GSK3B: variants seen among roughly 807,000 people sequenced by gnomAD.
GSK3B encodes glycogen synthase kinase-3 beta.
Under a neutral mutation model 56.4 loss-of-function variants are expected in GSK3B, and 15 were observed. The ratio of observed to expected loss-of-function variants is 0.27; its 90% CI spans 0.18 to 0.41. The LOEUF (loss-of-function observed/expected upper bound fraction) is 0.41. Among genes scored for constraint, GSK3B ranks in the 10% least tolerant of loss-of-function variants. The pLI is 1.00. For missense variants in GSK3B, 300 were observed against 513.4 expected, an observed-to-expected ratio of 0.58 and a Z score of 4.02; for synonymous variants, 181 against 188.9, an observed-to-expected ratio of 0.96 and a Z score of 0.34.
intron 1 of GSK3B, among the ~76,000 whole-genome samples, chr3:120,039,082 T>G (rs1210384790): frequency 6.6e-6 from 1 of 152,178 alleles, no homozygotes; most frequent in Non-Finnish European, 1.5e-5. Flanking sequence ...AATAAGCATA[T>G]GAAAAGATGC....
At chr3:119,943,009 C>T (rs2057065081) in intron 3 of GSK3B, among the ~76,000 whole-genome samples, 1 of 152,168 alleles carries the variant, frequency 6.6e-6, no homozygotes, top group Non-Finnish European at 1.5e-5. Context: ...AAAACTAAGG[C>T]TAATTAGTAC....
intron 1 of GSK3B, among the ~76,000 whole-genome samples, chr3:120,015,638 A>G: frequency 9.1e-6 from 1 of 109,790 alleles, no homozygotes; most frequent in African/African-American, 3.7e-5. Context: ...AGACAGGGTG[A>G]GACTCTGTCT....
chr3:119,891,007 C>T (rs2056495267), intron 7 of GSK3B, among the ~76,000 whole-genome samples: 1 of 151,904 alleles, frequency 6.6e-6, no homozygotes, highest in South Asian at 2.1e-4. Context: ...GAGCCTATTC[C>T]TCAAGAAGCT....
At chr3:119,999,245 C>G (rs1430894248) in intron 2 of GSK3B, among the ~76,000 whole-genome samples, 3 of 152,054 alleles carry the variant, frequency 2.0e-5, no homozygotes, top group Admixed American at 2.0e-4. Flanking sequence ...GAATCTGATA[C>G]TATGATATAG....
At chr3:119,901,223 G>A (rs964004066) in intron 7 of GSK3B, among the ~76,000 whole-genome samples, 1 of 152,024 alleles carries the variant, frequency 6.6e-6, no homozygotes, top group Non-Finnish European at 1.5e-5. Context: ...TTATATTAAG[G>A]AAGAATTTAA....
intron 1 of GSK3B, among the ~76,000 whole-genome samples, chr3:120,062,601 G>A (rs867756141): frequency 2.0e-5 from 3 of 152,156 alleles, no homozygotes; most frequent in Non-Finnish European, 4.4e-5. Flanking sequence ...TTTGAATGGC[G>A]TGATCCAGTT....
At chr3:119,844,253 T>G (rs2055822543) in intron 9 of GSK3B, among the ~76,000 whole-genome samples, 1 of 150,738 alleles carries the variant, frequency 6.6e-6, no homozygotes, top group Middle Eastern at 3.4e-3. Flanking sequence ...CACCCTAACA[T>G]CACAATTAAA....
intron 10 of GSK3B, among the ~76,000 whole-genome samples, chr3:119,828,319 G>T (rs1383696891): frequency 6.6e-6 from 1 of 152,186 alleles, no homozygotes; most frequent in African/African-American, 2.4e-5. Context: ...TTAGTAGACT[G>T]CTGTTTTAGT....
intron 2 of GSK3B, among the ~76,000 whole-genome samples, chr3:119,955,655 G>A (rs137955030): frequency 1.1e-5 from 1 of 88,314 alleles, no homozygotes; most frequent in African/African-American, 5.1e-5. Context: ...TGTTTTTGTT[G>A]TTGTTGTTGT....
chr3:120,073,606 A>G (rs2058345263), intron 1 of GSK3B, among the ~76,000 whole-genome samples: 1 of 152,200 alleles, frequency 6.6e-6, no homozygotes, highest in Non-Finnish European at 1.5e-5. Flanking sequence ...TAACACTACA[A>G]AAAGTAGAAG....
At chr3:120,051,431 C>T (rs1576297228) in intron 1 of GSK3B, among the ~76,000 whole-genome samples, 1 of 152,094 alleles carries the variant, frequency 6.6e-6, no homozygotes, top group African/African-American at 2.4e-5. Context: ...TTTACTTTAT[C>T]ATGAATAAAG....
intron 3 of GSK3B, among the ~76,000 whole-genome samples, chr3:119,929,816 G>T (rs2056925508): frequency 6.6e-6 from 1 of 151,690 alleles, no homozygotes. Flanking sequence ...GCAGGAGAAT[G>T]GCTTGAACCA....
intron 2 of GSK3B, among the ~76,000 whole-genome samples, chr3:120,000,301 ATAGT>A (rs2057663659): frequency 6.6e-6 from 1 of 152,258 alleles, no homozygotes; most frequent in South Asian, 2.1e-4. Flanking sequence ...AAGTTAAGTC[ATAGT>A]TAGATAAGAT....
At chr3:119,930,421 T>C (rs77826210) in intron 3 of GSK3B, among the ~76,000 whole-genome samples, 2 of 150,982 alleles carry the variant, frequency 1.3e-5, no homozygotes, top group Non-Finnish European at 3.0e-5. Flanking sequence ...AAAAAAAAAA[T>C]GTGCTTGTCA....
Position 119,864,842 on chromosome 3 carries a change from C to T in GSK3B, c.910-1237G>A, listed in dbSNP as rs114765117. On this transcript the variant is annotated intron_variant, in intron 8 of 10. Coordinates refer to ENST00000264235, the MANE Select transcript of GSK3B (RefSeq NM_001146156.2). Reference sequence around the variant, plus strand: ...GTTTTTAATTTATTATTGAAAAAGACATTTTCCATGAAAATTGAGAAATTA... The same window carrying T: ...GTTTTTAATTTATTATTGAAAAAGATATTTTCCATGAAAATTGAGAAATTA... 5.0e-3 allele frequency among the ~76,000 whole-genome samples: 766 copies of T among 152,270 alleles called. 11 individuals are homozygous for T. The highest frequency in any genetic ancestry group is 0.018 in the African/African-American group (745 of 41,550).
At chr3:120,040,922 C>T (rs1455390625) in intron 1 of GSK3B, among the ~76,000 whole-genome samples, 1 of 151,834 alleles carries the variant, frequency 6.6e-6, no homozygotes, top group African/African-American at 2.4e-5. Context: ...GGAATCAACA[C>T]CCTATGAACC....
intron 1 of GSK3B, among the ~76,000 whole-genome samples, chr3:120,050,866 G>A (rs566974974): frequency 6.6e-6 from 1 of 152,274 alleles, no homozygotes; most frequent in Non-Finnish European, 1.5e-5. Flanking sequence ...TAGGGTAGAA[G>A]GAAGGTAGGC....
At chr3:120,041,555 A>T in intron 1 of GSK3B, 1 of 182,118 alleles carries the variant, frequency 5.5e-6, no homozygotes, top group East Asian at 1.4e-4. Flanking sequence ...ATACCACTGG[A>T]AAAGTATTAC....
chr3:119,984,712 G>A (rs985090603), intron 2 of GSK3B, among the ~76,000 whole-genome samples: 1 of 152,114 alleles, frequency 6.6e-6, no homozygotes, highest in African/African-American at 2.4e-5. Flanking sequence ...CTGAAATTGA[G>A]GCAATGATTA....
Sources: allele counts gnomAD v4.1 joint callset (sites outside exome capture counted in the v4.1 genomes callset), GRCh38; gene constraint gnomAD v4.1.1; transcripts MANE v1.5; gene names NCBI Gene and HGNC (gene_info 2026-07-23, HGNC 2026-07-21).